The following ZNF469 variants were observed in gnomAD, a reference collection of about 807,000 sequenced individuals.
The protein encoded by ZNF469 is zinc finger protein 469.
Under a neutral mutation model 1.0 loss-of-function variants are expected in ZNF469, and 1 was observed. The ratio of observed to expected loss-of-function variants is 1.00; its 90% confidence interval spans 0.35 to 4.73. The LOEUF is 4.73. Ranked by LOEUF, ZNF469 falls within the 30% of genes most tolerant of loss-of-function variation. ZNF469 has a pLI of 0.16. For synonymous variants in ZNF469, 2,703 were observed against 2,363.4 expected (o/e 1.14, Z -4.17); for missense variants, 6,100 against 5,356.3 (o/e 1.14, Z -4.33).
the ZNF469 span, among the ~76,000 whole-genome samples, chr16:88,230,064 A>G: frequency 2.0e-5 from 3 of 152,194 alleles, no homozygotes; most frequent in African/African-American, 4.8e-5. Context: ...TCCAAAGTCC[A>G]GTGTCCCTTT....
chr16:88,312,573 CT>C, the ZNF469 span, among the ~76,000 whole-genome samples: 16 of 152,280 alleles, frequency 1.1e-4, no homozygotes, highest in African/African-American at 3.6e-4. Flanking sequence ...TTTAAGCTTC[CT>C]GTGTTTTGTT....
the ZNF469 span, among the ~76,000 whole-genome samples, chr16:88,236,845 C>A: frequency 1.4e-5 from 2 of 145,598 alleles, no homozygotes; most frequent in Non-Finnish European, 3.0e-5. Context: ...CACAGCGAGA[C>A]TCTGTCTCAA....
the ZNF469 span, among the ~76,000 whole-genome samples, chr16:88,270,492 T>C: frequency 6.6e-6 from 1 of 152,218 alleles, no homozygotes; most frequent in African/African-American, 2.4e-5. Context: ...ACATGGCTGC[T>C]CAGGGCCTGC....
chr16:88,409,876 G>C (rs1398932058), intron 1 of ZNF469, among the ~76,000 whole-genome samples: 1 of 147,540 alleles, frequency 6.8e-6, no homozygotes, highest in African/African-American at 2.6e-5. Flanking sequence ...CGGGGGGGGG[G>C]GGGGGGGGCG....
the ZNF469 span, among the ~76,000 whole-genome samples, chr16:88,125,457 C>T: frequency 1.9e-3 from 288 of 152,310 alleles, 1 homozygote; most frequent in African/African-American, 6.4e-3. Context: ...ATCAGCATGT[C>T]GGTTTCTACA....
At chr16:88,344,272 C>T in the ZNF469 span, among the ~76,000 whole-genome samples, 1,486 of 151,980 alleles carry the variant, frequency 9.8e-3, 24 homozygotes, top group African/African-American at 0.034. Context: ...GGGCGGGTTC[C>T]GAACAAAGCG....
chr16:88,185,551 G>T, the ZNF469 span, among the ~76,000 whole-genome samples: 1 of 149,746 alleles, frequency 6.7e-6, no homozygotes, highest in Non-Finnish European at 1.5e-5. Context: ...ACTCACATTC[G>T]CACTCACACA....
At chr16:88,300,249 C>T in the ZNF469 span, among the ~76,000 whole-genome samples, 2 of 152,144 alleles carry the variant, frequency 1.3e-5, no homozygotes, top group South Asian at 4.2e-4. Context: ...CACTGCAGTT[C>T]GCAACAGTCC....
At chr16:88,349,165 G>A in the ZNF469 span, among the ~76,000 whole-genome samples, 5 of 152,146 alleles carry the variant, frequency 3.3e-5, no homozygotes, top group East Asian at 1.9e-4. Flanking sequence ...CCAGCACCTC[G>A]GTTCCAGACA....
the ZNF469 span, among the ~76,000 whole-genome samples, chr16:88,245,778 G>A: frequency 6.6e-6 from 1 of 152,262 alleles, no homozygotes; most frequent in Non-Finnish European, 1.5e-5. Context: ...GCTGCTCTGG[G>A]AACTCTCCAT....
chr16:88,340,389 T>C, the ZNF469 span, among the ~76,000 whole-genome samples: 3 of 152,058 alleles, frequency 2.0e-5, no homozygotes, highest in African/African-American at 4.8e-5. Context: ...ATGTCATGCG[T>C]CAGGTGACAT....
At chr16:88,146,540 T>G in the ZNF469 span, among the ~76,000 whole-genome samples, 19 of 152,230 alleles carry the variant, frequency 1.2e-4, no homozygotes, top group South Asian at 3.9e-3. Context: ...TGGGGTTTTC[T>G]GGGCTCCTGG....
the ZNF469 span, among the ~76,000 whole-genome samples, chr16:88,333,910 CTG>C: frequency 1.5e-5 from 2 of 135,506 alleles, no homozygotes; most frequent in African/African-American, 2.6e-5. Flanking sequence ...TTTTGTGCAT[CTG>C]TGTGTGTCTG....
At chr16:88,227,628 C>G in the ZNF469 span, among the ~76,000 whole-genome samples, 6 of 151,724 alleles carry the variant, frequency 4.0e-5, no homozygotes, top group Admixed American at 3.9e-4. Flanking sequence ...CCCTGTGTCC[C>G]CGTCTCCCCT....
the ZNF469 span, among the ~76,000 whole-genome samples, chr16:88,221,197 G>C: frequency 6.6e-6 from 1 of 152,354 alleles, no homozygotes; most frequent in East Asian, 1.9e-4. Context: ...AGAGATGAGG[G>C]CTTCGGGTAA....
upstream of ZNF469, among the ~76,000 whole-genome samples, chr16:88,381,205 G>GACAC (rs140845577): frequency 1.2e-3 from 116 of 99,394 alleles, no homozygotes; most frequent in African/African-American, 2.8e-3. Flanking sequence ...TGCATTCACA[G>GACAC]ACACACACAC....
chr16:88,399,972 TC>T lies in ZNF469; in HGVS notation c.-192+16721del, dbSNP rs1904808131. Reference sequence around the variant, plus strand: ...GGGATCCCACGCGGGTCACTCCACCTCCCTGGGCCTGGACTCCTCATTGGGA... The same window carrying T: ...GGGATCCCACGCGGGTCACTCCACCTCCTGGGCCTGGACTCCTCATTGGGA... On this transcript the variant is annotated intron_variant, in intron 1 of 2. Coordinates refer to ENST00000565624, the MANE Select transcript of ZNF469 (RefSeq NM_001367624.2). Among the ~76,000 whole-genome samples the T allele has an allele frequency of 3.9e-5, 6 of 152,252 alleles. No homozygotes were observed. In the South Asian group the frequency reaches 1.2e-3, roughly 32 times the overall value.
At chr16:88,240,794 G>C in the ZNF469 span, among the ~76,000 whole-genome samples, 5 of 152,310 alleles carry the variant, frequency 3.3e-5, no homozygotes, top group South Asian at 1.0e-3. Flanking sequence ...TGGTTGAAAA[G>C]AAAAGCCCCT....
chr16:88,202,179 C>T, the ZNF469 span, among the ~76,000 whole-genome samples: 2 of 152,188 alleles, frequency 1.3e-5, no homozygotes, highest in Non-Finnish European at 2.9e-5. Context: ...GCTGTCATCA[C>T]TATTAACCAG....
Sources: allele counts gnomAD v4.1 joint callset (sites outside exome capture counted in the v4.1 genomes callset), GRCh38; gene constraint gnomAD v4.1.1; transcripts MANE v1.5; gene names NCBI Gene and HGNC (gene_info 2026-07-23, HGNC 2026-07-21).